Variants in B9D1 observed in about 807,000 individuals in gnomAD.
B9D1 encodes the protein B9 domain-containing protein 1.
Under a neutral mutation model 26.1 loss-of-function variants are expected in B9D1, and 20 were observed. The observed-to-expected ratio is 0.77, with a 90% CI of 0.54 to 1.12. The LOEUF is 1.12. B9D1 is among the 50% of genes most tolerant of loss of function. The probability of loss-of-function intolerance (pLI) is 0.00; values close to 1 mark genes in which losing one functional copy is unlikely to be tolerated. For missense variants in B9D1, 260 were observed against 273.7 expected (o/e 0.95, Z 0.35); for synonymous variants, 105 against 103.1 (o/e 1.02, Z -0.11).
Position 19,357,839 on chromosome 17 carries a change from C to T in B9D1, c.244+1G>A. The T allele has an allele frequency of 6.2e-7, 1 of 1,612,154 alleles. No individual in the cohort carries two copies. The highest frequency in any genetic ancestry group is 2.2e-5 in the East Asian group (1 of 44,872). On this transcript the variant is annotated splice_donor_variant, in intron 3 of 6. Transcript: ENST00000261499. LOFTEE classifies it high-confidence loss of function. ...ACCCCACAGGGCCCCTGCAGACTCA[C>T]AGCCGTAGGGGTTGGTGCTTTTAAA...
At chr17:19,355,663 A>G (rs1447442818) in intron 3 of B9D1, among the ~76,000 whole-genome samples, 1 of 151,024 alleles carries the variant, frequency 6.6e-6, no homozygotes, top group Non-Finnish European at 1.5e-5. Context: ...CCCCGTCTCT[A>G]CTAAAAATAC....
At chr17:19,346,743 G>A (rs1357934383) in intron 5 of B9D1, among the ~76,000 whole-genome samples, 1 of 152,230 alleles carries the variant, frequency 6.6e-6, no homozygotes, top group African/African-American at 2.4e-5. Context: ...CTGCCGTCCT[G>A]GCCACACCAC....
chr17:19,347,694 C>T lies in B9D1; in HGVS notation c.341+90G>A, dbSNP rs980310049. Reference sequence around the variant, plus strand: ...GCCCAGGCCCCTGGAGACCCCAGAGCATTCCCAGCCTGAACCTAAGACAGA... The same window carrying T: ...GCCCAGGCCCCTGGAGACCCCAGAGTATTCCCAGCCTGAACCTAAGACAGA... On this transcript the variant is annotated intron_variant, in intron 4 of 6. Transcript: ENST00000261499. The surrounding 1 kb of genome is among the most constrained non-coding windows in gnomAD (Gnocchi z 4.3). The T allele has an allele frequency of 2.7e-5, 36 of 1,312,796 alleles. No homozygotes were observed. The Admixed American group carries it at 6.8e-4, about 25-fold the overall frequency. 81.3% of individuals were successfully genotyped at this position (1,312,796 alleles called of 1,614,324 possible). A position where few individuals can be genotyped will look rare whatever the true frequency, so the allele number is the denominator to read the frequency against.
downstream of B9D1, among the ~76,000 whole-genome samples, chr17:19,342,265 G>C (rs1028132849): frequency 6.6e-6 from 1 of 152,160 alleles, no homozygotes; most frequent in Non-Finnish European, 1.5e-5. Flanking sequence ...GACAACAGAC[G>C]ATGAGTTTCA....
upstream of B9D1, chr17:19,362,963 C>A: frequency 3.1e-6 from 1 of 327,862 alleles, no homozygotes; most frequent in Non-Finnish European, 6.1e-6. Flanking sequence ...AGAGCTGAGT[C>A]CTGGGGAGCA....
At chr17:19,344,469 C>A in intron 5 of B9D1, 1 of 265,514 alleles carries the variant, frequency 3.8e-6, no homozygotes, top group Non-Finnish European at 7.7e-6. Flanking sequence ...CCAGTTGGGC[C>A]AGGCGGGAGG....
downstream of B9D1, among the ~76,000 whole-genome samples, chr17:19,339,486 A>G (rs1331957332): frequency 2.6e-5 from 4 of 152,204 alleles, no homozygotes; most frequent in Non-Finnish European, 4.4e-5. Context: ...CCTGCCACGC[A>G]GCTGCTTAGC....
intron 3 of B9D1, among the ~76,000 whole-genome samples, chr17:19,351,608 T>C (rs1909617099): frequency 6.6e-6 from 1 of 152,234 alleles, no homozygotes; most frequent in African/African-American, 2.4e-5. Context: ...GGTGTCATTC[T>C]TTAAATGCCT....
At chr17:19,337,527 C>CA, downstream of B9D1, 1 of 554,370 alleles carries the variant, frequency 1.8e-6, no homozygotes, top group Non-Finnish European at 3.3e-6. Flanking sequence ...AAGCTTGACT[C>CA]AGAGCTAGGA....
chr17:19,340,640 T>C (rs999010697), downstream of B9D1, among the ~76,000 whole-genome samples: 15 of 151,568 alleles, frequency 9.9e-5, no homozygotes, highest in African/African-American at 3.6e-4. Context: ...ATACAAAAAT[T>C]AGCCAGCTTC....
exon 1 of B9D1, chr17:19,377,878 G>T (rs946631759): frequency 1.0e-6 from 1 of 985,280 alleles, no homozygotes; most frequent in African/African-American, 1.7e-5. Context: ...AGGAAACCGC[G>T]AGCTGCAGTC....
intron 5 of B9D1, among the ~76,000 whole-genome samples, chr17:19,346,130 A>G (rs1167313232): frequency 3.9e-5 from 6 of 152,210 alleles, no homozygotes; most frequent in African/African-American, 1.4e-4. Flanking sequence ...CAACCCACTG[A>G]TGGGCACTGC....
rs969143795 is a variant in B9D1 at position 19,372,774 on chromosome 17, G to A, written c.-298+5085C>T. Reference sequence around the variant, plus strand: ...GTTTCTGAAACCAAAGCGTGCCTTCGTAAAACTTAAGAGCATGGGATTGGA... The same window carrying A: ...GTTTCTGAAACCAAAGCGTGCCTTCATAAAACTTAAGAGCATGGGATTGGA... On this transcript the variant is annotated intron_variant, in intron 1 of 5. Transcript: ENST00000477478. This position sits in a 1 kb window ranked among gnomAD's most constrained non-coding sequence, Gnocchi z 4.4. Among the ~76,000 whole-genome samples the A allele has an allele frequency of 2.0e-5, 3 of 152,214 alleles. No homozygotes were observed. The highest frequency in any genetic ancestry group is 4.8e-5 in the African/African-American group (2 of 41,444).
chr17:19,336,942 C>T (rs1265376311), downstream of B9D1, among the ~76,000 whole-genome samples: 2 of 152,184 alleles, frequency 1.3e-5, no homozygotes, highest in East Asian at 3.9e-4. Context: ...GTGGCCTGCA[C>T]GGGTGTGCTG....
chr17:19,355,596 G>A (rs1910231992), intron 3 of B9D1, among the ~76,000 whole-genome samples: 1 of 151,686 alleles, frequency 6.6e-6, no homozygotes, highest in Non-Finnish European at 1.5e-5. Context: ...TTGGGAGGCT[G>A]AGGCGGGCAG....
downstream of B9D1, among the ~76,000 whole-genome samples, chr17:19,339,061 TG>T (rs1402415080): frequency 1.5e-4 from 23 of 152,070 alleles, no homozygotes; most frequent in Admixed American, 5.9e-4. Context: ...GGGATCATGA[TG>T]GGAGAGCCAC....
intron 5 of B9D1, among the ~76,000 whole-genome samples, chr17:19,346,463 A>C (rs1908801171): frequency 6.6e-6 from 1 of 152,178 alleles, no homozygotes; most frequent in Admixed American, 6.5e-5. Context: ...GAACCCAGGG[A>C]GTCCTCCATG....
At position 19,370,843 on chromosome 17, in the gene B9D1, T is replaced by TC. The variant is rs1911859208; in HGVS notation, c.-298+7015dup. Among the ~76,000 whole-genome samples the TC allele has an allele frequency of 6.6e-6, 1 of 152,160 alleles. No homozygotes were observed. The highest frequency in any genetic ancestry group is 1.5e-5 in the Non-Finnish European group (1 of 68,024). On this transcript the variant is annotated intron_variant, in intron 1 of 5. Transcript: ENST00000477478. This position sits in a 1 kb window ranked among gnomAD's most constrained non-coding sequence, Gnocchi z 5.1. Reference sequence around the variant, plus strand: ...AGGCTGGCCTCAGGGGCAGTCCCTTTCCCACGGGGAGGGCCGCATGCAAAT... The same window carrying TC: ...AGGCTGGCCTCAGGGGCAGTCCCTTTCCCCACGGGGAGGGCCGCATGCAAAT...
At chr17:19,346,049 T>C (rs528867612) in intron 5 of B9D1, among the ~76,000 whole-genome samples, 1 of 152,232 alleles carries the variant, frequency 6.6e-6, no homozygotes, top group Non-Finnish European at 1.5e-5. Flanking sequence ...TCCTTGGAGC[T>C]GTGGGCGGTG....
Sources: allele counts gnomAD v4.1 joint callset (sites outside exome capture counted in the v4.1 genomes callset), GRCh38; gene constraint gnomAD v4.1.1; non-coding constraint Gnocchi (gnomAD v3.1); transcripts MANE v1.5; gene names NCBI Gene and HGNC (gene_info 2026-07-23, HGNC 2026-07-21).